Variants in PDE4DIP observed in about 807,000 individuals in gnomAD.
The protein encoded by PDE4DIP is phosphodiesterase 4D interacting protein, also known as myomegalin.
In PDE4DIP, 59 loss-of-function variants were observed where a neutral mutation model predicts 221.4. The observed-to-expected ratio is 0.27, with a 90% CI of 0.22 to 0.33. The LOEUF (loss-of-function observed/expected upper bound fraction) is 0.33, where lower values mean the gene tolerates loss of function less well. Ranked by LOEUF, PDE4DIP falls within the 10% of genes least tolerant of loss-of-function variation. The pLI is 1.00. For synonymous variants in PDE4DIP, 404 were observed against 815.9 expected, an observed-to-expected ratio of 0.50 and a Z score of 8.60; for missense variants, 1,036 against 2,154.2, an observed-to-expected ratio of 0.48 and a Z score of 10.28.
intron 33 of PDE4DIP, among the ~76,000 whole-genome samples, chr1:149,016,947 A>G: frequency 6.6e-6 from 1 of 152,244 alleles, no homozygotes; most frequent in Non-Finnish European, 1.5e-5. Flanking sequence ...CTGCAAATAT[A>G]TCCTGTGCAC....
intron 19 of PDE4DIP, 104 bp downstream of exon 22, chr1:148,978,519 C>T (rs2060575093): frequency 1.4e-6 from 1 of 739,966 alleles, no homozygotes; most frequent in African/African-American, 1.9e-5. Context: ...TCAGGCTAGT[C>T]TTGAACTCCT....
intron 1 of PDE4DIP, among the ~76,000 whole-genome samples, chr1:148,918,658 C>CACGCACACA (rs1573382408): frequency 7.3e-6 from 1 of 137,872 alleles, no homozygotes; most frequent in Non-Finnish European, 1.6e-5. Context: ...CACACACACA[C>CACGCACACA]CCTAGCTGTG....
intron 36 of PDE4DIP, chr1:149,020,698 C>T: frequency 2.7e-6 from 1 of 371,482 alleles, no homozygotes; most frequent in East Asian, 5.0e-5. Flanking sequence ...TGCTTGGTCC[C>T]AGCATAAGCC....
At chr1:148,932,973 G>T (rs587702305) in intron 4 of PDE4DIP, among the ~76,000 whole-genome samples, 2 of 152,152 alleles carry the variant, frequency 1.3e-5, no homozygotes, top group Non-Finnish European at 2.9e-5. Flanking sequence ...GGAATGCACC[G>T]TTATGAGCCA....
exon 33 of PDE4DIP, chr1:149,016,306 C>T: frequency 5.6e-6 from 9 of 1,613,788 alleles, no homozygotes; most frequent in Non-Finnish European, 7.6e-6. Context: ...CAGGTGCCAG[C>T]ACTGTTCCTC....
chr1:148,979,373 G>A (rs587744492), intron 19 of PDE4DIP, among the ~76,000 whole-genome samples: 7 of 152,110 alleles, frequency 4.6e-5, no homozygotes, highest in South Asian at 4.2e-4. Flanking sequence ...AGTCTGTCCC[G>A]TAGAACGTGC....
At chr1:148,923,496 C>T (rs1465375842) in intron 1 of PDE4DIP, among the ~76,000 whole-genome samples, 5 of 145,360 alleles carry the variant, frequency 3.4e-5, no homozygotes, top group African/African-American at 5.3e-5. Flanking sequence ...GTTTTTGAGA[C>T]GGAGTCTTAC....
chr1:148,927,623 C>T (rs1415812445), intron 1 of PDE4DIP, among the ~76,000 whole-genome samples: 1 of 151,856 alleles, frequency 6.6e-6, no homozygotes, highest in East Asian at 1.9e-4. Flanking sequence ...ATCCTCCCTA[C>T]TGTTCTAGTA....
intron 6 of PDE4DIP, among the ~76,000 whole-genome samples, 181 bp from the exon 10 acceptor site, chr1:148,961,656 T>A (rs2056965948): frequency 6.6e-6 from 1 of 151,958 alleles, no homozygotes; most frequent in Admixed American, 6.6e-5. Flanking sequence ...GTATTTCATT[T>A]CTCCTGCTAC....
chr1:148,820,879 G>A (rs1351978441), intron 1 of PDE4DIP, among the ~76,000 whole-genome samples: 3 of 144,290 alleles, frequency 2.1e-5, no homozygotes, highest in African/African-American at 7.7e-5. Context: ...TTGAGGCGGA[G>A]TCTCGCTGTT....
chr1:148,820,386 G>A (rs1335194107), intron 1 of PDE4DIP, among the ~76,000 whole-genome samples: 3 of 143,574 alleles, frequency 2.1e-5, no homozygotes, highest in African/African-American at 8.0e-5. Context: ...GGCCAAAATG[G>A]TGAAACCCCC....
chr1:148,821,630 A>G (rs1179751880), intron 1 of PDE4DIP, among the ~76,000 whole-genome samples: 1 of 146,658 alleles, frequency 6.8e-6, no homozygotes, highest in Non-Finnish European at 1.5e-5. Flanking sequence ...GGAGCATAAT[A>G]AATAAGAGGA....
chr1:149,010,569 C>T lies in PDE4DIP; in HGVS notation c.5054C>T (p.Pro1685Leu), dbSNP rs781843454. The change falls in exon 31 of 44, where the codon CCC (proline) becomes CTC (leucine). Residue 1685 changes from proline to leucine, a missense_variant. Transcript: ENST00000369354. ...AGCTTGCCAACTCCCCAGAATACCC[C>T]CAAGGAGGCCAACCAGGCCCATTCA... 6.8e-6 allele frequency: 11 copies of T among 1,614,112 alleles called. No homozygotes were observed. In the South Asian group the frequency reaches 9.9e-5, roughly 15 times the overall value.
intron 23 of PDE4DIP, among the ~76,000 whole-genome samples, chr1:149,000,647 A>C (rs1228415089): frequency 3.3e-5 from 5 of 152,062 alleles, no homozygotes; most frequent in African/African-American, 1.2e-4. Context: ...AGCTTTTTAA[A>C]CAAGCACCTT....
intron 23 of PDE4DIP, among the ~76,000 whole-genome samples, chr1:148,999,815 C>T (rs148815941): frequency 0.017 from 2,531 of 152,208 alleles, 42 homozygotes; most frequent in Non-Finnish European, 0.026. Flanking sequence ...ATTTGTTCAA[C>T]CCTCCACCCA....
chr1:148,916,188 C>T (rs2044029175), intron 1 of PDE4DIP, among the ~76,000 whole-genome samples: 1 of 150,672 alleles, frequency 6.6e-6, no homozygotes, highest in Non-Finnish European at 1.5e-5. Flanking sequence ...GTTAATAATA[C>T]ATTTAAAACA....
chr1:148,820,555 CAAAAAAAAAAAAAAAAAA>C (rs148261220), intron 1 of PDE4DIP, among the ~76,000 whole-genome samples: 4 of 39,374 alleles, frequency 1.0e-4, no homozygotes, highest in Non-Finnish European at 1.9e-4. Flanking sequence ...AACTCCATCT[CAAAAAAAAAAAAAAAAAA>C]AAAAAAAGAA....
At chr1:148,822,465 G>A (rs1664031) in intron 1 of PDE4DIP, among the ~76,000 whole-genome samples, 2 of 149,352 alleles carry the variant, frequency 1.3e-5, no homozygotes, top group East Asian at 3.9e-4. Flanking sequence ...GGGCATATGA[G>A]GGATCTAGGT....
chr1:149,001,743 GC>G lies in PDE4DIP; in HGVS notation c.3292del (p.Leu1098PhefsTer12), dbSNP rs2065707058. On this transcript the variant is annotated frameshift_variant, in exon 24 of 44. Transcript: ENST00000369354. LOFTEE classifies it high-confidence loss of function. The stretch of plus-strand genomic sequence containing the variant: ...ACCAAAGAGGGTCTGAGTGAGAGTA[GC>G]CTTCAGGCTGAGTTCAGAAAGCTCC... 11 of 1,500,414 alleles carry G rather than the reference GC, an allele frequency of 7.3e-6. No individual in the cohort carries two copies. The highest frequency in any genetic ancestry group is 1.4e-5 in the African/African-American group (1 of 71,218). 92.9% of individuals were successfully genotyped at this position (1,500,414 alleles called of 1,614,324 possible). A position where few individuals can be genotyped will look rare whatever the true frequency, so the allele number is the denominator to read the frequency against.
Sources: gnomAD v4.1 joint callset for allele counts (sites outside exome capture counted in the v4.1 genomes callset) on GRCh38, gnomAD v4.1.1 for gene constraint, MANE v1.5 for transcripts, NCBI Gene and HGNC (gene_info 2026-07-23, HGNC 2026-07-21) for gene names.